SLC5A1: variants seen among roughly 807,000 people sequenced by gnomAD.
The protein encoded by SLC5A1 is solute carrier family 5 member 1.
A neutral mutation model predicts 73.5 loss-of-function variants in SLC5A1; 42 were observed. That is an observed-to-expected ratio of 0.57 (90% CI 0.45 to 0.74). SLC5A1 has a LOEUF of 0.74. SLC5A1 is among the 30% of genes least tolerant of loss of function. The probability of loss-of-function intolerance (pLI) is 0.00; values close to 1 mark genes in which losing one functional copy is unlikely to be tolerated. For missense variants in SLC5A1, 634 were observed against 855.4 expected (o/e 0.74, Z 3.23); for synonymous variants, 300 against 317.4 (o/e 0.95, Z 0.58).
chr22:32,054,873 C>T (rs1035980008), intron 2 of SLC5A1, among the ~76,000 whole-genome samples: 4 of 152,108 alleles, frequency 2.6e-5, no homozygotes, highest in Non-Finnish European at 5.9e-5. Flanking sequence ...CAGGGTTTCA[C>T]CATGTTGGCC....
At chr22:32,048,684 A>G (rs2093940357) in intron 1 of SLC5A1, among the ~76,000 whole-genome samples, 1 of 152,002 alleles carries the variant, frequency 6.6e-6, no homozygotes, top group Non-Finnish European at 1.5e-5. Flanking sequence ...TCTTTCTTCA[A>G]TCAAGATTTG....
intron 11 of SLC5A1, among the ~76,000 whole-genome samples, chr22:32,098,505 G>T (rs1166049272): frequency 6.6e-6 from 1 of 152,156 alleles, no homozygotes; most frequent in Non-Finnish European, 1.5e-5. Flanking sequence ...GAAATAATAA[G>T]AATTTGAATC....
In SLC5A1 at chr22:32,066,926, C is replaced by A; in HGVS notation, c.208-9C>A. 1.2e-6 allele frequency: 2 copies of A among 1,605,478 alleles called. No individual in the cohort carries two copies. Among genetic ancestry groups the A allele is most frequent in the Non-Finnish European group, 1.7e-6 (2 of 1,172,444 alleles). ...AGAGCCCTCACCTGACTTTCTTTTGCGTTTCCAGATTGGAGCCTCCCTCTT... is the reference window on the plus strand; with the variant it reads ...AGAGCCCTCACCTGACTTTCTTTTGAGTTTCCAGATTGGAGCCTCCCTCTT... On this transcript the variant is annotated splice_polypyrimidine_tract_variant and intron_variant, in intron 2 of 14. Transcript: ENST00000266088.
At chr22:32,084,334 T>G in intron 7 of SLC5A1, 105 bp from the exon 8 acceptor site, 1 of 950,202 alleles carries the variant, frequency 1.1e-6, no homozygotes, top group Non-Finnish European at 1.7e-6. Flanking sequence ...GTGAGGGCTC[T>G]GTCTGTGGGT....
intron 2 of SLC5A1, among the ~76,000 whole-genome samples, chr22:32,058,553 G>A (rs1353105471): frequency 6.6e-6 from 1 of 152,112 alleles, no homozygotes; most frequent in Admixed American, 6.5e-5. Flanking sequence ...CCTAAAAATA[G>A]GGTCATATAA....
At chr22:32,073,106 C>T (rs896134514) in intron 5 of SLC5A1, among the ~76,000 whole-genome samples, 1 of 152,208 alleles carries the variant, frequency 6.6e-6, no homozygotes, top group African/African-American at 2.4e-5. Context: ...TAAGAATCCA[C>T]TGCCAAATCC....
chr22:32,105,178 T>C (rs2094043381), intron 14 of SLC5A1, among the ~76,000 whole-genome samples: 1 of 152,218 alleles, frequency 6.6e-6, no homozygotes, highest in Non-Finnish European at 1.5e-5. Context: ...CGTGAGATGT[T>C]CTGATGCAGG....
rs968272787 is a variant in SLC5A1 at position 32,086,081 on chromosome 22, C to T, written c.1022-139C>T. ...GCGTGAACCCGGGAGGCAGAGCTTG[C>T]AGTGAGCCGAGATCGTGCCACTGCA... On this transcript the variant is annotated intron_variant, in intron 9 of 14. Coordinates refer to ENST00000266088, the MANE Select transcript of SLC5A1 (RefSeq NM_000343.4). 51 of 660,890 alleles carry T rather than the reference C, an allele frequency of 7.7e-5. No homozygotes were observed. The Admixed American group carries it at 9.4e-4, about 12-fold the overall frequency. The allele number at this position is 660,890 out of a possible 1,614,324, so 40.9% of individuals were successfully genotyped here.
At chr22:32,106,068 A>G (rs774829826) in intron 14 of SLC5A1, among the ~76,000 whole-genome samples, 1 of 152,212 alleles carries the variant, frequency 6.6e-6, no homozygotes, top group African/African-American at 2.4e-5. Flanking sequence ...TATCTCTTCA[A>G]TATACTAATT....
In SLC5A1 at chr22:32,108,813, A is replaced by G. The variant is rs2094050958; in HGVS notation, c.1772-1177A>G. On this transcript the variant is annotated intron_variant, in intron 14 of 14. Coordinates refer to ENST00000266088, the MANE Select transcript of SLC5A1 (RefSeq NM_000343.4). ...ACCATAAAGCCAGGTTTTGGTCCCA[A>G]TTCTGACTCGTGTGAACTTGGTCAC... Among the ~76,000 whole-genome samples, 3 of 152,184 alleles carry G rather than the reference A, an allele frequency of 2.0e-5. No individual in the cohort carries two copies. In the South Asian group the frequency reaches 6.2e-4, roughly 32 times the overall value.
intron 14 of SLC5A1, among the ~76,000 whole-genome samples, chr22:32,105,626 G>T (rs2094044275): frequency 6.6e-6 from 1 of 152,170 alleles, no homozygotes; most frequent in Non-Finnish European, 1.5e-5. Context: ...GTACAATTAA[G>T]TTTTCATTGA....
At chr22:32,067,375 ATTATT>A in intron 3 of SLC5A1, among the ~76,000 whole-genome samples, 1 of 150,376 alleles carries the variant, frequency 6.6e-6, no homozygotes, top group South Asian at 2.1e-4. Context: ...AAAAATTTTT[ATTATT>A]TTATTTTTAG....
intron 5 of SLC5A1, among the ~76,000 whole-genome samples, chr22:32,074,957 C>T (rs2093988487): frequency 6.6e-6 from 1 of 151,978 alleles, no homozygotes; most frequent in Non-Finnish European, 1.5e-5. Flanking sequence ...AGTGTAGTGG[C>T]ATGATCATGG....
chr22:32,086,409 C>T, intron 10 of SLC5A1, 82 bp downstream of exon 10: 2 of 943,070 alleles, frequency 2.1e-6, no homozygotes, highest in Admixed American at 3.5e-5. Context: ...TCCTGTGAAC[C>T]TTCTGGGCAA....
At chr22:32,049,539 G>A (rs1283988794) in intron 1 of SLC5A1, among the ~76,000 whole-genome samples, 1 of 147,326 alleles carries the variant, frequency 6.8e-6, no homozygotes, top group Non-Finnish European at 1.5e-5. Flanking sequence ...GCCACCATGT[G>A]GCTGTAATCC....
At chr22:32,109,671 T>C (rs940044087) in intron 14 of SLC5A1, among the ~76,000 whole-genome samples, 6 of 152,230 alleles carry the variant, frequency 3.9e-5, no homozygotes, top group Non-Finnish European at 7.4e-5. Flanking sequence ...ATTATTAATG[T>C]GTCTTTATTA....
At chr22:32,088,180 G>A (rs2055953695) in intron 10 of SLC5A1, among the ~76,000 whole-genome samples, 1 of 152,066 alleles carries the variant, frequency 6.6e-6, no homozygotes, top group African/African-American at 2.4e-5. Context: ...ATTCCTTTAG[G>A]TGGGCAGACC....
Position 32,104,709 on chromosome 22 carries a change from A to G in SLC5A1, c.1666-77A>G, listed in dbSNP as rs923946316. The G allele has an allele frequency of 3.7e-6, 4 of 1,080,418 alleles. No individual in the cohort carries two copies. The Admixed American group carries it at 7.4e-5, about 20-fold the overall frequency. The allele number at this position is 1,080,418 out of a possible 1,614,324, so 66.9% of individuals were successfully genotyped here. A position where few individuals can be genotyped will look rare whatever the true frequency, so the allele number is the denominator to read the frequency against. ...CATTCCCTTCCCTTCCTTGATGCAT[A>G]TCTCTTTGCCCCCCCAACTTCTTGT... On this transcript the variant is annotated intron_variant, in intron 13 of 14. Coordinates refer to ENST00000266088, the MANE Select transcript of SLC5A1 (RefSeq NM_000343.4).
intron 1 of SLC5A1, among the ~76,000 whole-genome samples, chr22:32,045,193 T>G (rs2093935591): frequency 1.3e-5 from 2 of 152,242 alleles, no homozygotes; most frequent in South Asian, 4.1e-4. Context: ...CGTCATCTGC[T>G]GGCTATACAG....
Sources: allele counts gnomAD v4.1 joint callset (sites outside exome capture counted in the v4.1 genomes callset), GRCh38; gene constraint gnomAD v4.1.1; transcripts MANE v1.5; gene names NCBI Gene and HGNC (gene_info 2026-07-23, HGNC 2026-07-21).